VPS50: variants seen among roughly 807,000 people sequenced by gnomAD.
VPS50 encodes syndetin.
A neutral mutation model predicts 139.7 loss-of-function variants in VPS50; 70 were observed. The observed-to-expected ratio is 0.50, with a 90% CI of 0.41 to 0.61. VPS50 has a LOEUF of 0.61. VPS50 is among the 20% of genes least tolerant of loss of function. The pLI is 0.00. For synonymous variants in VPS50, 365 were observed against 376.7 expected (o/e 0.97, Z 0.36); for missense variants, 921 against 1,133.7 (o/e 0.81, Z 2.69).
At chr7:93,257,368 A>G (rs1247659120) in intron 5 of VPS50, 26 bp from the exon 6 acceptor site, 2 of 1,400,682 alleles carry the variant, frequency 1.4e-6, no homozygotes, top group Non-Finnish European at 2.0e-6. Context: ...ACCTCCAACA[A>G]TAACCTGTAC....
At position 93,355,924 on chromosome 7, in the gene VPS50, T is replaced by C; in HGVS notation, c.2619T>C (p.Gly873=). ...ATGTCAAGAAATGCAGTAATGAGGG[T>C]CGTGCCCTGATGCAATTGGATTTTC... ...YANVKKCSNE[G]RALMQLDFQQ... is the part of the protein sequence containing the mutation. Residue 873 remains glycine, a synonymous_variant, in exon 27 of 28, where the codon GGT becomes GGC. Transcript: ENST00000305866. 1 of 1,602,746 alleles carries C rather than the reference T, an allele frequency of 6.2e-7. No individual in the cohort carries two copies. Among genetic ancestry groups the C allele is most frequent in the South Asian group, 1.1e-5 (1 of 89,756 alleles).
Position 93,357,919 on chromosome 7 carries a change from G to T in VPS50, c.2776-398G>T, listed in dbSNP as rs570434417. The stretch of plus-strand genomic sequence containing the variant: ...TTTTTAACTAAAGTGTTTACAAAAT[G>T]TAGAGGGCCAGAAAAATACTTCATC... On this transcript the variant is annotated intron_variant, in intron 27 of 27. Coordinates refer to ENST00000305866, the MANE Select transcript of VPS50 (RefSeq NM_017667.4). Among the ~76,000 whole-genome samples the T allele has an allele frequency of 7.2e-4, 109 of 152,132 alleles. 1 individual carries two copies. The highest frequency in any genetic ancestry group is 3.4e-3 in the Middle Eastern group (1 of 294).
Position 93,276,177 on chromosome 7 carries a change from C to G in VPS50, c.814C>G (p.Gln272Glu), listed in dbSNP as rs1222684807. 6.2e-7 allele frequency: 1 copy of G among 1,609,384 alleles called. No individual in the cohort carries two copies. Among genetic ancestry groups the G allele is most frequent in the Non-Finnish European group, 8.5e-7 (1 of 1,177,772 alleles). Residue 272 changes from glutamine (Q) to glutamate (E), a missense_variant, in exon 12 of 28, where the codon CAA becomes GAA. Gln to Glu is a conservative substitution (Grantham distance 29). Around this residue, in one of 3 missense-constraint regions of VPS50, gnomAD observed 744 missense variants for 930.6 expected, o/e 0.80. Transcript: ENST00000305866. ...TTTCTTTCCACAGACAGCAATGGATCAACTTCATATGCACTTCACCCAAGC... is the reference window on the plus strand; with the variant it reads ...TTTCTTTCCACAGACAGCAATGGATGAACTTCATATGCACTTCACCCAAGC... ...LLGKTQTAMDQLHMHFTQAIH... is the reference protein window; with the variant it reads ...LLGKTQTAMDELHMHFTQAIH...
intron 13 of VPS50, among the ~76,000 whole-genome samples, chr7:93,294,204 T>C (rs1796735002): frequency 6.6e-6 from 1 of 151,960 alleles, no homozygotes; most frequent in Non-Finnish European, 1.5e-5. Context: ...TAATTGGTCC[T>C]GTAATGCCCT....
intron 25 of VPS50, 124 bp from the exon 26 acceptor site, chr7:93,353,516 T>G (rs1798615275): frequency 9.4e-7 from 1 of 1,068,080 alleles, no homozygotes. Flanking sequence ...TGGCATTATC[T>G]TTTTTGATTT....
intron 13 of VPS50, among the ~76,000 whole-genome samples, chr7:93,292,249 A>C (rs1331010512): frequency 6.6e-6 from 1 of 152,096 alleles, no homozygotes; most frequent in Admixed American, 6.6e-5. Context: ...CTAAGAATTA[A>C]TTATATTGAT....
chr7:93,257,037 C>T (rs966325150), intron 5 of VPS50, among the ~76,000 whole-genome samples: 2 of 152,038 alleles, frequency 1.3e-5, no homozygotes, highest in African/African-American at 4.8e-5. Flanking sequence ...AAACAGAAAT[C>T]ATATTTGTCA....
intron 12 of VPS50, among the ~76,000 whole-genome samples, chr7:93,278,976 C>T (rs1354729143): frequency 6.6e-6 from 1 of 151,990 alleles, no homozygotes; most frequent in Non-Finnish European, 1.5e-5. Context: ...GTTGAAGTAG[C>T]TTTGGTTCGA....
chr7:93,263,309 T>G (rs1050690757), intron 9 of VPS50, among the ~76,000 whole-genome samples: 1 of 152,236 alleles, frequency 6.6e-6, no homozygotes, highest in Non-Finnish European at 1.5e-5. Flanking sequence ...AATTTATATA[T>G]TCTCAATTTT....
At chr7:93,350,164 G>GA (rs1309926633) in intron 25 of VPS50, 131 bp downstream of exon 25, 3 of 541,028 alleles carry the variant, frequency 5.5e-6, no homozygotes, top group African/African-American at 3.9e-5. Flanking sequence ...TAAAGCCCCT[G>GA]AATTGAAATA....
chr7:93,297,387 T>A, intron 16 of VPS50, 144 bp downstream of exon 16: 2 of 862,248 alleles, frequency 2.3e-6, no homozygotes, highest in Non-Finnish European at 3.2e-6. Context: ...TGGTTAAGGA[T>A]TTTTTTAACC....
intron 10 of VPS50, among the ~76,000 whole-genome samples, chr7:93,272,323 A>C (rs1278441361): frequency 6.6e-6 from 1 of 151,822 alleles, no homozygotes; most frequent in Non-Finnish European, 1.5e-5. Flanking sequence ...TGCTTGAGGA[A>C]ACATTAAGTA....
Position 93,353,713 on chromosome 7 carries a change from T to C in VPS50, c.2537T>C (p.Ile846Thr). The C allele has an allele frequency of 6.2e-7, 1 of 1,612,422 alleles. No homozygotes were observed. The highest frequency in any genetic ancestry group is 1.1e-5 in the South Asian group (1 of 91,028). ...RVRIPLPVSNILWEHCIRLAN... is the reference protein window; with the variant it reads ...RVRIPLPVSNTLWEHCIRLAN... Reference sequence around the variant, plus strand: ...CGCATACCCTTGCCTGTGTCTAATATACTTTGGGAACATTGTATACGATTG... The same window carrying C: ...CGCATACCCTTGCCTGTGTCTAATACACTTTGGGAACATTGTATACGATTG... The change falls in exon 26 of 28, where the codon ATA becomes ACA. Residue 846 changes from isoleucine to threonine, a missense_variant. Ile to Thr is a moderately conservative substitution (Grantham distance 89). Transcript: ENST00000305866.
At chr7:93,250,076 T>C (rs1795275719) in intron 2 of VPS50, among the ~76,000 whole-genome samples, 1 of 151,954 alleles carries the variant, frequency 6.6e-6, no homozygotes. Flanking sequence ...GTCATTGACC[T>C]TTTTTTCTCG....
At chr7:93,290,001 CA>C (rs1421287868) in intron 12 of VPS50, among the ~76,000 whole-genome samples, 1 of 151,884 alleles carries the variant, frequency 6.6e-6, no homozygotes, top group Non-Finnish European at 1.5e-5. Flanking sequence ...TCTTGGTTTT[CA>C]ATCATTTCTT....
In VPS50 at chr7:93,360,915, T is replaced by C. The variant is rs945047471; in HGVS notation, c.*2479T>C. Reference sequence around the variant, plus strand: ...CTAATAAACTCATTTACACAACTTATTAAATGAATTTCTCTTGAAACCAGG... The same window carrying C: ...CTAATAAACTCATTTACACAACTTACTAAATGAATTTCTCTTGAAACCAGG... On this transcript the variant is annotated 3_prime_UTR_variant, in exon 28 of 28. Coordinates refer to ENST00000305866, the MANE Select transcript of VPS50 (RefSeq NM_017667.4). 3 of 152,054 alleles carry C rather than the reference T, an allele frequency of 2.0e-5. No individual in the cohort carries two copies. The highest frequency in any genetic ancestry group is 2.0e-4 in the Admixed American group (3 of 15,246). The allele number at this position is 152,054 out of a possible 1,614,324, so 9.4% of individuals were successfully genotyped here.
intron 20 of VPS50, among the ~76,000 whole-genome samples, chr7:93,319,479 C>G (rs1252315365): frequency 6.7e-6 from 1 of 150,294 alleles, no homozygotes; most frequent in Non-Finnish European, 1.5e-5. Flanking sequence ...TTTTTTTTTT[C>G]TCTTTCACTT....
At chr7:93,276,939 A>T (rs974321127) in intron 12 of VPS50, among the ~76,000 whole-genome samples, 1 of 152,196 alleles carries the variant, frequency 6.6e-6, no homozygotes. Flanking sequence ...TTTGGTATCT[A>T]TTAAACATTC....
chr7:93,288,031 C>T (rs1463145825), intron 12 of VPS50, among the ~76,000 whole-genome samples: 3 of 151,994 alleles, frequency 2.0e-5, no homozygotes, highest in African/African-American at 2.4e-5. Context: ...ACAGTCATGG[C>T]GGGAGGCAAA....
Sources: gnomAD v4.1 joint callset for allele counts (sites outside exome capture counted in the v4.1 genomes callset) on GRCh38, gnomAD v4.1.1 for gene constraint, gnomAD v4.1.1 regional missense constraint, MANE v1.5 for transcripts, NCBI Gene and HGNC (gene_info 2026-07-23, HGNC 2026-07-21) for gene names.